The following MPV17L variants were observed in gnomAD, a reference collection of about 807,000 sequenced individuals.
MPV17L encodes the protein MPV17 mitochondrial inner membrane protein like, also known as mpv17-like protein.
In MPV17L, 24 loss-of-function variants were observed where a neutral mutation model predicts 25.8. The ratio of observed to expected loss-of-function variants is 0.93; its 90% confidence interval spans 0.67 to 1.31. The LOEUF (loss-of-function observed/expected upper bound fraction) is 1.31, where lower values mean the gene tolerates loss of function less well. MPV17L is among the 50% of genes most tolerant of loss of function. MPV17L has a pLI of 0.00. For synonymous variants in MPV17L, 102 were observed against 115.3 expected (o/e 0.88, Z 0.74); for missense variants, 250 against 265.6 (o/e 0.94, Z 0.41).
intron 1 of MPV17L, among the ~76,000 whole-genome samples, chr16:15,397,535 G>A (rs903539292): frequency 5.9e-5 from 9 of 152,206 alleles, no homozygotes; most frequent in Admixed American, 3.3e-4. Context: ...GCATCATTGC[G>A]ATTTCTAGAG....
At position 15,395,876 on chromosome 16, in the gene MPV17L, C is replaced by T. The variant is rs959783987; in HGVS notation, c.-22C>T. The T allele has an allele frequency of 7.9e-6, 11 of 1,384,422 alleles. No homozygotes were observed. The African/African-American group carries it at 1.5e-4, about 19-fold the overall frequency. 85.8% of individuals were successfully genotyped at this position (1,384,422 alleles called of 1,614,324 possible). A position where few individuals can be genotyped will look rare whatever the true frequency, so the allele number is the denominator to read the frequency against. ...GACGCCGACCACGCGGGCTCCTGAT[C>T]GCGGGCGCCCACAGCGCGGACATGG... On this transcript the variant is annotated 5_prime_UTR_variant, in exon 1 of 4. Transcript: ENST00000396385.
At chr16:15,404,506 G>A (rs1283854983) in intron 2 of MPV17L, among the ~76,000 whole-genome samples, 2 of 151,862 alleles carry the variant, frequency 1.3e-5, no homozygotes, top group African/African-American at 4.8e-5. Flanking sequence ...GACCAGCTTG[G>A]GCAACATAGC....
At position 15,401,080 on chromosome 16, in the gene MPV17L, A is replaced by ATTT. The variant is rs1478719757; in HGVS notation, c.381+224_381+225insTTT. 5.1e-3 allele frequency among the ~76,000 whole-genome samples: 169 copies of ATTT among 33,042 alleles called. 1 individual carries two copies. Among genetic ancestry groups the ATTT allele is most frequent in the East Asian group, 0.016 (10 of 612 alleles). The allele number at this position is 33,042 out of a possible 152,430, so 21.7% of individuals were successfully genotyped here. A position where few individuals can be genotyped will look rare whatever the true frequency, so the allele number is the denominator to read the frequency against. On this transcript the variant is annotated intron_variant, in intron 2 of 3. Coordinates refer to ENST00000396385, the MANE Select transcript of MPV17L (RefSeq NM_001128423.2). Reference sequence around the variant, plus strand: ...TGTGTATATATATATATATATATATATATATATTTTTTTTTTTTTTTTTTT... The same window carrying ATTT: ...TGTGTATATATATATATATATATATATTTTATATATTTTTTTTTTTTTTTTTTT...
In MPV17L at chr16:15,408,252, TTATC is replaced by T. The variant is rs2050700302; in HGVS notation, c.*141_*144del. 1.7e-6 allele frequency: 1 copy of T among 600,662 alleles called. No individual in the cohort carries two copies. The highest frequency in any genetic ancestry group is 1.9e-5 in the African/African-American group (1 of 54,020). 37.2% of individuals were successfully genotyped at this position (600,662 alleles called of 1,614,324 possible). A position where few individuals can be genotyped will look rare whatever the true frequency, so the allele number is the denominator to read the frequency against. On this transcript the variant is annotated 3_prime_UTR_variant, in exon 4 of 4. Transcript: ENST00000396385. ...ATTTATAGACCCACTTTTTAAAAAA[TTATC>T]AATGATTATTTTTGAATTGTATTCA...
intron 1 of MPV17L, among the ~76,000 whole-genome samples, chr16:15,398,491 T>C (rs2050606155): frequency 6.6e-6 from 1 of 152,122 alleles, no homozygotes; most frequent in African/African-American, 2.4e-5. Context: ...GCTGAGTTAC[T>C]AACAAGACTT....
At chr16:15,401,084 ATATTTTTTTT>A (rs1464395087) in intron 2 of MPV17L, among the ~76,000 whole-genome samples, 1 of 33,202 alleles carries the variant, frequency 3.0e-5, no homozygotes, top group Non-Finnish European at 5.5e-5. Flanking sequence ...ATATATATAT[ATATTTTTTTT>A]TTTTTTTTTT....
chr16:15,397,380 C>A (rs557850515), intron 1 of MPV17L, among the ~76,000 whole-genome samples: 35 of 152,288 alleles, frequency 2.3e-4, no homozygotes, highest in Admixed American at 6.5e-4. Flanking sequence ...TTTAAACAAA[C>A]AGGGTGACCT....
intron 2 of MPV17L, among the ~76,000 whole-genome samples, chr16:15,405,108 A>ACCTGC (rs751435182): frequency 7.9e-4 from 120 of 152,114 alleles, no homozygotes; most frequent in Non-Finnish European, 1.3e-3. Context: ...TTGTACTTGC[A>ACCTGC]CCTGCCCTGC....
At chr16:15,402,348 G>A (rs1409506644) in intron 2 of MPV17L, among the ~76,000 whole-genome samples, 1 of 152,176 alleles carries the variant, frequency 6.6e-6, no homozygotes, top group African/African-American at 2.4e-5. Context: ...TGGGATTACA[G>A]AATGTTCGCA....
At position 15,400,818 on chromosome 16, in the gene MPV17L, A is replaced by AT; in HGVS notation, c.347dup (p.Leu116PhefsTer57). The stretch of plus-strand genomic sequence containing the variant: ...GCATTCTCCAAGGAAAGGATGACAT[A>AT]TTTTTGGACCTGAAACAGAAATTCT... On this transcript the variant is annotated frameshift_variant, in exon 2 of 4. Coordinates refer to ENST00000396385, the MANE Select transcript of MPV17L (RefSeq NM_001128423.2). LOFTEE classifies it high-confidence loss of function. 6.2e-7 allele frequency: 1 copy of AT among 1,604,288 alleles called. No individual in the cohort carries two copies. Among genetic ancestry groups the AT allele is most frequent in the South Asian group, 1.1e-5 (1 of 88,960 alleles).
chr16:15,399,484 C>T, intron 1 of MPV17L: 1 of 442,712 alleles, frequency 2.3e-6, no homozygotes, highest in South Asian at 1.6e-5. Flanking sequence ...CAGCTCATTG[C>T]AGCCTCGACC....
At chr16:15,399,740 T>C (rs2050617514) in intron 1 of MPV17L, among the ~76,000 whole-genome samples, 1 of 152,154 alleles carries the variant, frequency 6.6e-6, no homozygotes, top group Non-Finnish European at 1.5e-5. Context: ...GCCAGAGTAT[T>C]TGGGTCCACT....
rs759759417 is a variant in MPV17L, at chr16:15,396,161, C to G, written c.264C>G (p.Cys88Trp). 1.3e-6 allele frequency: 2 copies of G among 1,550,202 alleles called. No homozygotes were observed. The highest frequency in any genetic ancestry group is 2.4e-5 in the South Asian group (2 of 84,144). The part of the protein sequence containing the change: ...APHALLAKLL[C>W]DQVVGAPIAV... Reference sequence around the variant, plus strand: ...ACGCCCTGCTGGCCAAGTTGCTGTGCGACCAGGTGGTCGGTGCGCCCATCG... The same window carrying G: ...ACGCCCTGCTGGCCAAGTTGCTGTGGGACCAGGTGGTCGGTGCGCCCATCG... Residue 88 changes from cysteine to tryptophan, a missense_variant, in exon 1 of 4, where the codon TGC becomes TGG. Transcript: ENST00000396385.
intron 1 of MPV17L, among the ~76,000 whole-genome samples, chr16:15,398,742 C>T (rs745963555): frequency 2.0e-5 from 3 of 151,766 alleles, no homozygotes; most frequent in East Asian, 1.9e-4. Flanking sequence ...TACAGGTGCC[C>T]GCCACCACGC....
Position 15,409,709 on chromosome 16 carries a change from C to T in MPV17L, c.*1597C>T, listed in dbSNP as rs1189747833. 3 of 152,230 alleles carry T rather than the reference C, an allele frequency of 2.0e-5. No homozygotes were observed. The highest frequency in any genetic ancestry group is 2.1e-4 in the South Asian group (1 of 4,828). 9.4% of individuals were successfully genotyped at this position (152,230 alleles called of 1,614,324 possible). A position where few individuals can be genotyped will look rare whatever the true frequency, so the allele number is the denominator to read the frequency against. On this transcript the variant is annotated 3_prime_UTR_variant, in exon 4 of 4. Transcript: ENST00000396385. ...TACAAAGCCTGTTTGGTGGCCTCTTCACACGGACACGTGAGACAGTCTCCA... is the reference window on the plus strand; with the variant it reads ...TACAAAGCCTGTTTGGTGGCCTCTTTACACGGACACGTGAGACAGTCTCCA...
rs1392481739 is a variant in MPV17L, at chr16:15,403,344, G to A, written c.381+2487G>A. 5.4e-5 allele frequency among the ~76,000 whole-genome samples: 8 copies of A among 149,246 alleles called. No individual in the cohort carries two copies. In the East Asian group the frequency reaches 1.6e-3, roughly 29 times the overall value. On this transcript the variant is annotated intron_variant, in intron 2 of 3. Coordinates refer to ENST00000396385, the MANE Select transcript of MPV17L (RefSeq NM_001128423.2). ...AGATTGCGCCACTGCACTCCAGCCT[G>A]GGCGACAGAGCGAGACTCCGTCTCA... is the stretch of plus-strand genomic sequence containing the variant.
rs1216686685 is a variant in MPV17L at position 15,410,617 on chromosome 16, T to C, written c.*2505T>C. 1.3e-5 allele frequency: 2 copies of C among 152,202 alleles called. No individual in the cohort carries two copies. Among genetic ancestry groups the C allele is most frequent in the Non-Finnish European group, 2.9e-5 (2 of 68,028 alleles). 9.4% of individuals were successfully genotyped at this position (152,202 alleles called of 1,614,324 possible). A position where few individuals can be genotyped will look rare whatever the true frequency, so the allele number is the denominator to read the frequency against. ...CAGAGTTCTGTCATCTCCAATGTCA[T>C]GTTCCACAGATTTCAAGTTGTGAAG... On this transcript the variant is annotated 3_prime_UTR_variant, in exon 4 of 4. Transcript: ENST00000396385.
At position 15,412,117 on chromosome 16, in the gene MPV17L, T is replaced by C. The variant is rs1407665793; in HGVS notation, c.*4005T>C. 1 of 151,746 alleles carries C rather than the reference T, an allele frequency of 6.6e-6. No individual in the cohort carries two copies. Among genetic ancestry groups the C allele is most frequent in the Non-Finnish European group, 1.5e-5 (1 of 67,922 alleles). 9.4% of individuals were successfully genotyped at this position (151,746 alleles called of 1,614,324 possible). A position where few individuals can be genotyped will look rare whatever the true frequency, so the allele number is the denominator to read the frequency against. ...GTTTGATGAGAGGGAATTAGGCCAC[T>C]TGAGAGTTTGTGCGTGTTTATAATT... is the stretch of plus-strand genomic sequence containing the variant. On this transcript the variant is annotated 3_prime_UTR_variant, in exon 4 of 4. Coordinates refer to ENST00000396385, the MANE Select transcript of MPV17L (RefSeq NM_001128423.2).
Position 15,408,347 on chromosome 16 carries a change from G to T in MPV17L, c.*235G>T. 1 of 382,006 alleles carries T rather than the reference G, an allele frequency of 2.6e-6. No individual in the cohort carries two copies. 23.7% of individuals were successfully genotyped at this position (382,006 alleles called of 1,614,324 possible). A position where few individuals can be genotyped will look rare whatever the true frequency, so the allele number is the denominator to read the frequency against. ...TATTTTGGTTAATATGAATAATAGT[G>T]GCAAAATGGCATTTTAGAATTATTA... is the stretch of plus-strand genomic sequence containing the variant. On this transcript the variant is annotated 3_prime_UTR_variant, in exon 4 of 4. Transcript: ENST00000396385.
Sources: allele counts gnomAD v4.1 joint callset (sites outside exome capture counted in the v4.1 genomes callset), GRCh38; gene constraint gnomAD v4.1.1; transcripts MANE v1.5; gene names NCBI Gene and HGNC (gene_info 2026-07-23, HGNC 2026-07-21).